CTNNA1: variants seen among roughly 807,000 people sequenced by gnomAD.
CTNNA1 encodes the protein catenin alpha 1.
CTNNA1 carries 37 observed loss-of-function variants against 98.4 expected under a neutral mutation model. That is an observed-to-expected ratio of 0.38 (90% confidence interval 0.29 to 0.49). The LOEUF is 0.49. Ranked by LOEUF, CTNNA1 falls within the 20% of genes least tolerant of loss-of-function variation. The pLI is 0.95. For missense variants in CTNNA1, 761 were observed against 1,147.2 expected, an observed-to-expected ratio of 0.66 and a Z score of 4.86; for synonymous variants, 404 against 413.2, an observed-to-expected ratio of 0.98 and a Z score of 0.27.
intron 1 of CTNNA1, among the ~76,000 whole-genome samples, chr5:138,760,026 C>T (rs775296950): frequency 3.1e-4 from 34 of 109,916 alleles, no homozygotes; most frequent in Non-Finnish European, 4.6e-4. Context: ...TGGAGTTTCA[C>T]TCTTGTCGCC....
At chr5:138,930,797 T>TA (rs1765136397) in intron 15 of CTNNA1, 33 bp from the exon 16 acceptor site, 2 of 1,545,960 alleles carry the variant, frequency 1.3e-6, no homozygotes, top group Admixed American at 1.7e-5. Context: ...GGGCTTCACA[T>TA]ACAATAATCC....
chr5:138,934,540 T>G lies in CTNNA1; in HGVS notation c.*451T>G, dbSNP rs1766126369. 1 of 160,846 alleles carries G rather than the reference T, an allele frequency of 6.2e-6. No individual in the cohort carries two copies. The highest frequency in any genetic ancestry group is 6.0e-5 in the Admixed American group (1 of 16,572). 10.0% of individuals were successfully genotyped at this position (160,846 alleles called of 1,614,324 possible). A position where few individuals can be genotyped will look rare whatever the true frequency, so the allele number is the denominator to read the frequency against. On this transcript the variant is annotated 3_prime_UTR_variant, in exon 18 of 18. Coordinates refer to ENST00000302763, the MANE Select transcript of CTNNA1 (RefSeq NM_001903.5). ...CCTGGGCATCTTAGGAAGCAGTCCC[T>G]GGAGAAGGCATGTTCCCAGAAAGGT...
At chr5:138,917,714 A>G (rs1402280539) in intron 10 of CTNNA1, 28 bp from the exon 11 acceptor site, 4 of 1,610,190 alleles carry the variant, frequency 2.5e-6, no homozygotes, top group South Asian at 1.1e-5. Context: ...GAAAAAGAGT[A>G]AACAGTGAAG....
At chr5:138,836,860 G>T (rs529010306) in intron 7 of CTNNA1, among the ~76,000 whole-genome samples, 7 of 152,180 alleles carry the variant, frequency 4.6e-5, no homozygotes, top group Non-Finnish European at 8.8e-5. Flanking sequence ...TCTCTAGCTG[G>T]TGGGGCGATG....
chr5:138,919,136 A>G (rs747775571), intron 11 of CTNNA1, among the ~76,000 whole-genome samples: 8 of 152,220 alleles, frequency 5.3e-5, no homozygotes, highest in Non-Finnish European at 1.2e-4. Context: ...CTCATTTGCA[A>G]GCACATCTTT....
chr5:138,785,641 A>G (rs996324890), intron 3 of CTNNA1, among the ~76,000 whole-genome samples: 98 of 151,776 alleles, frequency 6.5e-4, no homozygotes, highest in African/African-American at 2.3e-3. Flanking sequence ...GCTCACCGCA[A>G]CCTCCACCTC....
intron 7 of CTNNA1, among the ~76,000 whole-genome samples, chr5:138,837,434 TTTC>T (rs1293809129): frequency 6.6e-6 from 1 of 150,500 alleles, no homozygotes; most frequent in Non-Finnish European, 1.5e-5. Flanking sequence ...TCCTCCTTCT[TTTC>T]TTCTTCTTTC....
At chr5:138,928,361 T>A (rs1197357638) in intron 13 of CTNNA1, among the ~76,000 whole-genome samples, 4 of 152,166 alleles carry the variant, frequency 2.6e-5, no homozygotes, top group Admixed American at 6.5e-5. Context: ...GGGTATTTAC[T>A]CAGCCCTCAC....
intron 10 of CTNNA1, among the ~76,000 whole-genome samples, chr5:138,917,067 C>T (rs890687057): frequency 6.6e-6 from 1 of 152,246 alleles, no homozygotes; most frequent in African/African-American, 2.4e-5. Flanking sequence ...GCCACCACAC[C>T]TGGCCTAAAA....
At chr5:138,926,352 C>T (rs1580870035) in intron 13 of CTNNA1, among the ~76,000 whole-genome samples, 1 of 152,230 alleles carries the variant, frequency 6.6e-6, no homozygotes, top group East Asian at 1.9e-4. Flanking sequence ...TTGCAAGGTG[C>T]AGTCCTGGCA....
intron 7 of CTNNA1, among the ~76,000 whole-genome samples, chr5:138,854,144 GT>G (rs1011223655): frequency 2.6e-4 from 40 of 152,208 alleles, no homozygotes; most frequent in Admixed American, 2.4e-3. Flanking sequence ...AAGAATATTT[GT>G]TTTTATTTTT....
chr5:138,900,307 A>G (rs183442297), intron 9 of CTNNA1, among the ~76,000 whole-genome samples: 52 of 152,320 alleles, frequency 3.4e-4, no homozygotes, highest in African/African-American at 1.1e-3. Context: ...TTGGTGGGTC[A>G]TTATTTAGAC....
At chr5:138,904,571 G>T in intron 10 of CTNNA1, 130 bp downstream of exon 10, 1 of 1,155,402 alleles carries the variant, frequency 8.7e-7, no homozygotes, top group South Asian at 1.7e-5. Context: ...ACAGATCACT[G>T]ACACAGAACC....
chr5:138,882,330 G>C (rs1753089179), intron 7 of CTNNA1, among the ~76,000 whole-genome samples: 1 of 152,156 alleles, frequency 6.6e-6, no homozygotes, highest in East Asian at 1.9e-4. Context: ...CGGCATGTCT[G>C]AAGAACAAAA....
chr5:138,781,904 C>T lies in CTNNA1; in HGVS notation c.-2-19C>T, dbSNP rs1282629339. 6.4e-7 allele frequency: 1 copy of T among 1,568,396 alleles called. No homozygotes were observed. The highest frequency in any genetic ancestry group is 8.6e-7 in the Non-Finnish European group (1 of 1,166,484). The stretch of plus-strand genomic sequence containing the variant: ...TTGTGTTTGATGTTTGCCTGACTGA[C>T]TTTTTGTTTCTTATTTAGAAATGAC... On this transcript the variant is annotated intron_variant, in intron 1 of 17. Transcript: ENST00000302763.
At chr5:138,791,183 G>T (rs1756315301) in intron 3 of CTNNA1, 1 of 151,980 alleles carries the variant, frequency 6.6e-6, no homozygotes, top group African/African-American at 2.4e-5. Context: ...TTTCTTTTTA[G>T]GTTTTGGCTT....
chr5:138,865,078 C>CT (rs1183619964), intron 7 of CTNNA1, among the ~76,000 whole-genome samples: 2 of 152,172 alleles, frequency 1.3e-5, no homozygotes, highest in African/African-American at 4.8e-5. Flanking sequence ...TCCCAAAGTG[C>CT]TGGGATTACA....
At chr5:138,924,761 G>C in intron 12 of CTNNA1, 51 bp downstream of exon 12, 1 of 1,482,066 alleles carries the variant, frequency 6.7e-7, no homozygotes, top group Non-Finnish European at 9.2e-7. Flanking sequence ...GCCTCAGTGA[G>C]GCAGGCCACC....
At chr5:138,916,520 G>A (rs911144213) in intron 10 of CTNNA1, among the ~76,000 whole-genome samples, 13 of 149,224 alleles carry the variant, frequency 8.7e-5, no homozygotes, top group Admixed American at 3.3e-4. Context: ...GAGCCACCAC[G>A]CCCAGCTTGT....
Sources: allele counts gnomAD v4.1 joint callset (sites outside exome capture counted in the v4.1 genomes callset), GRCh38; gene constraint gnomAD v4.1.1; transcripts MANE v1.5; gene names NCBI Gene and HGNC (gene_info 2026-07-23, HGNC 2026-07-21).